The following DRC8 variants were observed in gnomAD, a reference collection of about 807,000 sequenced individuals.
The protein encoded by DRC8 is dynein regulatory complex protein 8.
the DRC8 span, among the ~76,000 whole-genome samples, chr1:245,000,326 G>A: frequency 1.1e-4 from 16 of 152,164 alleles, no homozygotes; most frequent in African/African-American, 3.4e-4. Flanking sequence ...GCTCAACTGC[G>A]TGCAACTTAA....
the DRC8 span, among the ~76,000 whole-genome samples, chr1:245,001,109 TTACA>T: frequency 6.6e-6 from 1 of 152,198 alleles, no homozygotes; most frequent in African/African-American, 2.4e-5. Flanking sequence ...TCTATTGAGT[TTACA>T]TACATACATA....
chr1:245,095,063 A>G, the DRC8 span, among the ~76,000 whole-genome samples: 4 of 152,244 alleles, frequency 2.6e-5, no homozygotes, highest in Non-Finnish European at 4.4e-5. Flanking sequence ...GCTCAGGCCA[A>G]CAGGAGCCAA....
chr1:245,114,726 TC>T, the DRC8 span, among the ~76,000 whole-genome samples: 4 of 152,166 alleles, frequency 2.6e-5, no homozygotes, highest in Non-Finnish European at 5.9e-5. Flanking sequence ...TAAATTATGA[TC>T]ATTATTATTT....
At chr1:245,026,990 TG>T in the DRC8 span, among the ~76,000 whole-genome samples, 97 of 152,306 alleles carry the variant, frequency 6.4e-4, no homozygotes, top group Admixed American at 2.0e-3. Flanking sequence ...GAAGAAAATG[TG>T]GCAAGATGTT....
At chr1:245,033,316 G>A in the DRC8 span, among the ~76,000 whole-genome samples, 208 of 152,276 alleles carry the variant, frequency 1.4e-3, 1 homozygote, top group South Asian at 0.012. Flanking sequence ...AAGCTTTCCT[G>A]GGCACTTACC....
chr1:245,121,316 G>A, the DRC8 span, among the ~76,000 whole-genome samples: 4 of 152,194 alleles, frequency 2.6e-5, no homozygotes, highest in African/African-American at 9.7e-5. Context: ...GGAATTAACT[G>A]GCTTATATGT....
the DRC8 span, among the ~76,000 whole-genome samples, chr1:244,971,383 C>T: frequency 7.2e-5 from 11 of 152,196 alleles, no homozygotes; most frequent in Non-Finnish European, 1.0e-4. Context: ...GTCGCCAGTT[C>T]GGAGGCATCG....
At chr1:245,118,098 G>A in the DRC8 span, among the ~76,000 whole-genome samples, 71 of 152,248 alleles carry the variant, frequency 4.7e-4, 1 homozygote, top group South Asian at 0.014. Flanking sequence ...ACAAAACTAC[G>A]TGATGGGCCT....
At chr1:245,121,420 T>C in the DRC8 span, among the ~76,000 whole-genome samples, 1 of 152,220 alleles carries the variant, frequency 6.6e-6, no homozygotes, top group African/African-American at 2.4e-5. Flanking sequence ...ATCTGTTTCT[T>C]TGGGTTGGCT....
chr1:245,026,641 G>C, the DRC8 span, among the ~76,000 whole-genome samples: 1 of 152,170 alleles, frequency 6.6e-6, no homozygotes, highest in Non-Finnish European at 1.5e-5. Context: ...CCCTCAATAA[G>C]AAATGAATTG....
chr1:244,977,755 C>A, the DRC8 span, among the ~76,000 whole-genome samples: 7 of 152,046 alleles, frequency 4.6e-5, no homozygotes, highest in African/African-American at 1.7e-4. Flanking sequence ...GAAATATATT[C>A]TGAAAAGAAT....
At chr1:245,052,032 G>A in the DRC8 span, among the ~76,000 whole-genome samples, 808 of 152,170 alleles carry the variant, frequency 5.3e-3, 4 homozygotes, top group African/African-American at 0.018. Flanking sequence ...TGATAAGGAC[G>A]TTTTCTGAGA....
At chr1:245,071,645 C>T in the DRC8 span, among the ~76,000 whole-genome samples, 6,232 of 152,172 alleles carry the variant, frequency 0.041, 442 homozygotes, top group African/African-American at 0.14. Flanking sequence ...TTCATACTCC[C>T]TTCCTGGACG....
the DRC8 span, among the ~76,000 whole-genome samples, chr1:245,063,764 C>T: frequency 6.6e-6 from 1 of 152,172 alleles, no homozygotes; most frequent in Non-Finnish European, 1.5e-5. Flanking sequence ...CTCTGTCGCC[C>T]GGGCTGGAGT....
the DRC8 span, among the ~76,000 whole-genome samples, chr1:245,058,432 G>C: frequency 6.6e-6 from 1 of 152,070 alleles, no homozygotes; most frequent in Non-Finnish European, 1.5e-5. Flanking sequence ...TCACTTTTAA[G>C]TTGATACTTA....
chr1:245,004,668 C>T, the DRC8 span, among the ~76,000 whole-genome samples: 1 of 152,280 alleles, frequency 6.6e-6, no homozygotes, highest in African/African-American at 2.4e-5. Context: ...AGTAGAAGCT[C>T]CCCTTAACGT....
the DRC8 span, among the ~76,000 whole-genome samples, chr1:245,076,932 G>A: frequency 2.4e-3 from 358 of 152,028 alleles, 1 homozygote; most frequent in South Asian, 6.9e-3. Context: ...TCGCCGTGTT[G>A]GCCAGGATGG....
At chr1:244,976,199 A>T in the DRC8 span, among the ~76,000 whole-genome samples, 1 of 151,730 alleles carries the variant, frequency 6.6e-6, no homozygotes, top group African/African-American at 2.4e-5. Context: ...AACCTGGGGG[A>T]TGGAGGTTGC....
chr1:245,064,079 A>G, the DRC8 span, among the ~76,000 whole-genome samples: 3 of 152,176 alleles, frequency 2.0e-5, no homozygotes, highest in Non-Finnish European at 4.4e-5. Context: ...CATGGCTGCC[A>G]TAGTTGTCGT....
Sources: gnomAD v4.1 joint callset for allele counts (sites outside exome capture counted in the v4.1 genomes callset) on GRCh38, gnomAD v4.1.1 for gene constraint, MANE v1.5 for transcripts, NCBI Gene and HGNC (gene_info 2026-07-23, HGNC 2026-07-21) for gene names.